Variants in CERKL observed in about 807,000 individuals in gnomAD.
The protein encoded by CERKL is ceramide kinase-like protein.
In CERKL, 61 loss-of-function variants were observed where a neutral mutation model predicts 63.4. The ratio of observed to expected loss-of-function variants is 0.96; its 90% CI spans 0.78 to 1.19. The LOEUF (loss-of-function observed/expected upper bound fraction) is 1.19, where lower values mean the gene tolerates loss of function less well. Ranked by LOEUF, CERKL falls within the 50% of genes most tolerant of loss-of-function variation. CERKL has a pLI of 0.00. For synonymous variants in CERKL, 250 were observed against 230.5 expected, an observed-to-expected ratio of 1.08 and a Z score of -0.77; for missense variants, 675 against 655.5, an observed-to-expected ratio of 1.03 and a Z score of -0.33.
At chr2:181,588,235 G>T (rs116169918) in intron 2 of CERKL, among the ~76,000 whole-genome samples, 1 of 151,966 alleles carries the variant, frequency 6.6e-6, no homozygotes, top group Non-Finnish European at 1.5e-5. Flanking sequence ...CCTGTATCCC[G>T]TGACCAACAT....
chr2:181,644,108 T>TA (rs1317057815), intron 1 of CERKL, among the ~76,000 whole-genome samples: 4 of 152,218 alleles, frequency 2.6e-5, no homozygotes. Context: ...AATCATGAAA[T>TA]ACGCAAATAA....
intron 11 of CERKL, among the ~76,000 whole-genome samples, chr2:181,540,782 C>T (rs553256014): frequency 1.1e-4 from 17 of 152,062 alleles, no homozygotes; most frequent in Admixed American, 4.6e-4. Context: ...GTTTGGGGCA[C>T]GGGGAGGAGA....
intron 2 of CERKL, among the ~76,000 whole-genome samples, chr2:181,582,240 A>T (rs1684543415): frequency 6.6e-6 from 1 of 152,180 alleles, no homozygotes; most frequent in South Asian, 2.1e-4. Flanking sequence ...GTGGGATTGT[A>T]ATGCTTTAGC....
intron 1 of CERKL, among the ~76,000 whole-genome samples, chr2:181,615,435 T>C (rs775360057): frequency 6.6e-6 from 1 of 152,248 alleles, no homozygotes; most frequent in Non-Finnish European, 1.5e-5. Flanking sequence ...CTGTCTGATG[T>C]AGACCGTAAA....
intron 1 of CERKL, among the ~76,000 whole-genome samples, chr2:181,637,168 G>A (rs1190182544): frequency 2.0e-5 from 3 of 152,050 alleles, no homozygotes; most frequent in African/African-American, 7.2e-5. Flanking sequence ...GGAAATACAT[G>A]CCCTTATACA....
At chr2:181,648,825 C>A (rs1264935545) in intron 1 of CERKL, among the ~76,000 whole-genome samples, 4 of 152,098 alleles carry the variant, frequency 2.6e-5, no homozygotes, top group Non-Finnish European at 5.9e-5. Flanking sequence ...TTTTATGTGA[C>A]CAAAGTTAAC....
At chr2:181,580,015 ATTACT>A (rs749810857) in intron 2 of CERKL, among the ~76,000 whole-genome samples, 56 of 151,996 alleles carry the variant, frequency 3.7e-4, no homozygotes, top group Non-Finnish European at 5.6e-4. Flanking sequence ...CTGGTCTCTC[ATTACT>A]TTAAAGAATT....
At chr2:181,652,358 C>A (rs1249524781) in intron 1 of CERKL, among the ~76,000 whole-genome samples, 1 of 152,106 alleles carries the variant, frequency 6.6e-6, no homozygotes, top group African/African-American at 2.4e-5. Context: ...CAACAGCCAA[C>A]TGAATTTTTA....
intron 1 of CERKL, among the ~76,000 whole-genome samples, chr2:181,637,971 C>A (rs1687254145): frequency 6.6e-6 from 1 of 151,732 alleles, no homozygotes; most frequent in Non-Finnish European, 1.5e-5. Context: ...TTTTGATTGG[C>A]AGCATTGGTG....
Position 181,657,024 on chromosome 2 carries a change from G to A in CERKL, c.-18C>T. 1 of 1,568,998 alleles carries A rather than the reference G, an allele frequency of 6.4e-7. No individual in the cohort carries two copies. The highest frequency in any genetic ancestry group is 1.1e-5 in the South Asian group (1 of 87,818). ...CAGGGCATGGCGGAGTCGCAGGCTG[G>A]GCCCGAGCCAGGGGTCCGGGGAGGC... On this transcript the variant is annotated 5_prime_UTR_variant, in exon 1 of 13. Coordinates refer to ENST00000410087, the MANE Select transcript of CERKL (RefSeq NM_201548.5).
At chr2:181,546,958 T>A (rs374847904) in intron 10 of CERKL, among the ~76,000 whole-genome samples, 3 of 152,268 alleles carry the variant, frequency 2.0e-5, no homozygotes, top group Admixed American at 6.5e-5. Flanking sequence ...TGGTGGGAGA[T>A]AACTGAATCA....
rs1301746549 is a variant in CERKL at position 181,539,291 on chromosome 2, T to C, written c.1366-27A>G. On this transcript the variant is annotated intron_variant, in intron 11 of 12. Transcript: ENST00000410087. ...TAAAAATAAATACAAATAATCATTA[T>C]ACTTGGTTTATCTCTAGCTACTAAC... 4.8e-6 allele frequency: 7 copies of C among 1,451,588 alleles called. No individual in the cohort carries two copies. The African/African-American group carries it at 9.8e-5, about 20-fold the overall frequency. 89.9% of individuals were successfully genotyped at this position (1,451,588 alleles called of 1,614,324 possible). A position where few individuals can be genotyped will look rare whatever the true frequency, so the allele number is the denominator to read the frequency against.
intron 1 of CERKL, among the ~76,000 whole-genome samples, chr2:181,625,652 G>A (rs528101429): frequency 1.3e-5 from 2 of 152,282 alleles, no homozygotes; most frequent in Admixed American, 6.5e-5. Context: ...GGTGTAGGAA[G>A]AGAAAGCCTT....
At chr2:181,570,854 A>G (rs1251833954) in intron 3 of CERKL, among the ~76,000 whole-genome samples, 1 of 152,078 alleles carries the variant, frequency 6.6e-6, no homozygotes. Context: ...TAATTAACTC[A>G]TCATATAGGG....
chr2:181,626,271 G>C (rs1270857217), intron 1 of CERKL, among the ~76,000 whole-genome samples: 1 of 151,790 alleles, frequency 6.6e-6, no homozygotes, highest in Non-Finnish European at 1.5e-5. Flanking sequence ...TGAAGACTAA[G>C]AGAAAAAGCG....
intron 1 of CERKL, among the ~76,000 whole-genome samples, chr2:181,625,518 T>C (rs1475223983): frequency 1.3e-5 from 2 of 152,202 alleles, no homozygotes; most frequent in Non-Finnish European, 2.9e-5. Context: ...ATGTTAGAAT[T>C]TGATAGCAAG....
chr2:181,571,313 T>C (rs1688892783), intron 3 of CERKL, among the ~76,000 whole-genome samples: 1 of 152,136 alleles, frequency 6.6e-6, no homozygotes, highest in Non-Finnish European at 1.5e-5. Context: ...AATTCTAAAT[T>C]TGCTTTACGG....
chr2:181,598,243 G>A (rs1685302820), intron 2 of CERKL, among the ~76,000 whole-genome samples: 1 of 152,174 alleles, frequency 6.6e-6, no homozygotes, highest in South Asian at 2.1e-4. Flanking sequence ...TACAAGTCAT[G>A]GAGTTGTCTG....
intron 2 of CERKL, among the ~76,000 whole-genome samples, chr2:181,601,103 GA>G (rs529086879): frequency 6.6e-6 from 1 of 151,980 alleles, no homozygotes; most frequent in African/African-American, 2.4e-5. Context: ...CCTGAATTCT[GA>G]AAAAACAAAA....
Sources: gnomAD v4.1 joint callset for allele counts (sites outside exome capture counted in the v4.1 genomes callset) on GRCh38, gnomAD v4.1.1 for gene constraint, MANE v1.5 for transcripts, NCBI Gene and HGNC (gene_info 2026-07-23, HGNC 2026-07-21) for gene names.